PCDHGB3: variants seen among roughly 807,000 people sequenced by gnomAD.
PCDHGB3 encodes protocadherin gamma subfamily B, 3, also known as protocadherin gamma-B3.
Under a neutral mutation model 59.2 loss-of-function variants are expected in PCDHGB3, and 40 were observed. The observed-to-expected ratio is 0.68, with a 90% CI of 0.52 to 0.88. The LOEUF is 0.88. Among genes scored for constraint, PCDHGB3 ranks in the 40% least tolerant of loss-of-function variants. The probability of loss-of-function intolerance (pLI) is 0.00; values close to 1 mark genes in which losing one functional copy is unlikely to be tolerated. For synonymous variants in PCDHGB3, 581 were observed against 503.6 expected, an observed-to-expected ratio of 1.15 and a Z score of -2.06; for missense variants, 1,309 against 1,187.9, an observed-to-expected ratio of 1.10 and a Z score of -1.50.
intron 1 of PCDHGB3, chr5:141,383,497 C>A: frequency 6.2e-7 from 1 of 1,612,952 alleles, no homozygotes; most frequent in East Asian, 2.2e-5. Flanking sequence ...GGAGCGGGTG[C>A]TGGACCGGGA....
chr5:141,392,706 C>T (rs2092579718), intron 1 of PCDHGB3: 1 of 1,289,828 alleles, frequency 7.8e-7, no homozygotes, highest in South Asian at 1.6e-5. Flanking sequence ...TGTTTGGAGG[C>T]ACTCCAGGTT....
chr5:141,397,909 T>G lies in PCDHGB3; in HGVS notation c.2415+25100T>G, dbSNP rs1004406261. On this transcript the variant is annotated intron_variant, in intron 1 of 3. Coordinates refer to ENST00000576222, the MANE Select transcript of PCDHGB3 (RefSeq NM_018924.5). Reference sequence around the variant, plus strand: ...TTGGCCAAAGTGCAGAGCTTGGCGCTCCAGATCTCCTCGCGCAGCCGCAGC... The same window carrying G: ...TTGGCCAAAGTGCAGAGCTTGGCGCGCCAGATCTCCTCGCGCAGCCGCAGC... 114 of 677,396 alleles carry G rather than the reference T, an allele frequency of 1.7e-4. No individual in the cohort carries two copies. In the East Asian group the frequency reaches 2.8e-3, roughly 17 times the overall value. The allele number at this position is 677,396 out of a possible 1,614,324, so 42.0% of individuals were successfully genotyped here. A position where few individuals can be genotyped will look rare whatever the true frequency, so the allele number is the denominator to read the frequency against.
intron 1 of PCDHGB3, among the ~76,000 whole-genome samples, chr5:141,474,703 C>G (rs2099353282): frequency 6.6e-6 from 1 of 152,188 alleles, no homozygotes; most frequent in Admixed American, 6.5e-5. Flanking sequence ...GTTCAAGGTT[C>G]TATTATACTT....
At position 141,372,451 on chromosome 5, in the gene PCDHGB3, C is replaced by G. The variant is rs749000608; in HGVS notation, c.2057C>G (p.Ala686Gly). 8 of 1,614,042 alleles carry G rather than the reference C, an allele frequency of 5.0e-6. No individual in the cohort carries two copies. In the East Asian group the frequency reaches 1.6e-4, roughly 31 times the overall value. The change falls in exon 1 of 4, where the codon GCG becomes GGG. Residue 686 changes from alanine to glycine, a missense_variant. By Grantham distance (60) the Ala-to-Gly change is moderately conservative (BLOSUM62 0). Coordinates refer to ENST00000576222, the MANE Select transcript of PCDHGB3 (RefSeq NM_018924.5). The stretch of plus-strand genomic sequence containing the variant: ...CGCCCCACTCCCTCTGACCCTCAGG[C>G]GGAGCTACAGTTTCACCTAGTAGTG... Reference protein sequence around the residue: ...SDRPTPSDPQAELQFHLVVAL... With the variant: ...SDRPTPSDPQGELQFHLVVAL...
chr5:141,511,028 T>C lies in PCDHGB3; in HGVS notation c.2645T>C (p.Leu882Pro). ...GCCCGCTACGGACCCCAGTTCACCC[T>C]GCAGCACGTGCCCGACTACCGCCAG... ...LSARYGPQFTLQHVPDYRQNV... is the reference protein window; with the variant it reads ...LSARYGPQFTPQHVPDYRQNV... The change falls in exon 4 of 4, where the codon CTG becomes CCG. Residue 882 changes from leucine (L) to proline (P), a missense_variant. Leu to Pro is a moderately conservative substitution (Grantham distance 98, BLOSUM62 -3). Transcript: ENST00000576222. 1 of 1,614,202 alleles carries C rather than the reference T, an allele frequency of 6.2e-7. No homozygotes were observed. Among genetic ancestry groups the C allele is most frequent in the Non-Finnish European group, 8.5e-7 (1 of 1,180,028 alleles).
At chr5:141,430,950 TC>T (rs1353555538) in intron 1 of PCDHGB3, 1 of 1,609,980 alleles carries the variant, frequency 6.2e-7, no homozygotes, top group East Asian at 2.2e-5. Flanking sequence ...GAGCGCGGAG[TC>T]CGCATCATCC....
chr5:141,510,825 G>C, intron 3 of PCDHGB3, 122 bp from the exon 4 acceptor site: 2 of 1,566,486 alleles, frequency 1.3e-6, no homozygotes, highest in Non-Finnish European at 1.7e-6. Flanking sequence ...TATATTCCCA[G>C]TGCTCAGCGT....
chr5:141,388,527 T>C, intron 1 of PCDHGB3: 1 of 1,613,866 alleles, frequency 6.2e-7, no homozygotes, highest in Non-Finnish European at 8.5e-7. Flanking sequence ...TTTGACTGCC[T>C]TGGACTTTGG....
At chr5:141,413,950 T>C (rs1448967281) in intron 1 of PCDHGB3, 1 of 1,613,264 alleles carries the variant, frequency 6.2e-7, no homozygotes. Context: ...TCCTGAGAAT[T>C]TGCCTGTGGG....
chr5:141,405,540 C>A (rs2094682922), intron 1 of PCDHGB3: 1 of 641,202 alleles, frequency 1.6e-6, no homozygotes, highest in African/African-American at 1.8e-5. Context: ...CTGCCTCAGC[C>A]TCCCAAGTAG....
Position 141,394,604 on chromosome 5 carries a change from C to T in PCDHGB3, c.2415+21795C>T, listed in dbSNP as rs1589234871. On this transcript the variant is annotated intron_variant, in intron 1 of 3. Transcript: ENST00000576222. ...CCAAGGTGGTGGCGGTGGACAGAGA[C>T]TCGGGCCAGAACGCCTGGCTGTCCT... is the stretch of plus-strand genomic sequence containing the variant. 10 of 1,613,590 alleles carry T rather than the reference C, an allele frequency of 6.2e-6. No homozygotes were observed. The East Asian group carries it at 2.0e-4, about 32-fold the overall frequency.
intron 1 of PCDHGB3, chr5:141,478,485 G>C (rs2099459345): frequency 1.2e-6 from 2 of 1,613,204 alleles, no homozygotes; most frequent in East Asian, 4.5e-5. Flanking sequence ...AACACGCTGC[G>C]GAGCTGTGAT....
At position 141,494,820 on chromosome 5, in the gene PCDHGB3, A is replaced by G; in HGVS notation, c.2429A>G (p.Asn810Ser). ...TTTTCTCCACAGCAAGCCCCGCCCA[A>G]CACGGACTGGCGTTTCTCTCAGGCC... ...SGNLQKQAPP[N>S]TDWRFSQAQR... Residue 810 changes from asparagine to serine, a missense_variant, in exon 2 of 4, where the codon AAC becomes AGC. By Grantham distance (46) the Asn-to-Ser change is conservative. Transcript: ENST00000576222. 1.2e-6 allele frequency: 2 copies of G among 1,613,988 alleles called. No individual in the cohort carries two copies. Among genetic ancestry groups the G allele is most frequent in the Middle Eastern group, 1.6e-4 (1 of 6,062 alleles).
Position 141,431,954 on chromosome 5 carries a change from G to T in PCDHGB3, c.2415+59145G>T. On this transcript the variant is annotated intron_variant, in intron 1 of 3. Coordinates refer to ENST00000576222, the MANE Select transcript of PCDHGB3 (RefSeq NM_018924.5). The surrounding 1 kb of genome is among the most constrained non-coding windows in gnomAD (Gnocchi z 4.8). Reference sequence around the variant, plus strand: ...GCCCTTTAAATTAGAAAAATCTTACGGAAATTACTATAGTTTAGTCACAGA... The same window carrying T: ...GCCCTTTAAATTAGAAAAATCTTACTGAAATTACTATAGTTTAGTCACAGA... The T allele has an allele frequency of 6.2e-7, 1 of 1,614,110 alleles. No homozygotes were observed. Among genetic ancestry groups the T allele is most frequent in the Non-Finnish European group, 8.5e-7 (1 of 1,180,010 alleles).
In PCDHGB3 at chr5:141,409,573, C is replaced by A. The variant is rs562811168; in HGVS notation, c.2415+36764C>A. 7 of 1,613,816 alleles carry A rather than the reference C, an allele frequency of 4.3e-6. No individual in the cohort carries two copies. In the Admixed American group the frequency reaches 1.2e-4, roughly 27 times the overall value. ...CCCCAGTTTTCGACCAGACGTCCTA[C>A]GTGGTCCACGTGGCCGAGAACAACC... On this transcript the variant is annotated intron_variant, in intron 1 of 3. Transcript: ENST00000576222.
chr5:141,383,872 C>T, intron 1 of PCDHGB3: 1 of 1,613,908 alleles, frequency 6.2e-7, no homozygotes, highest in Non-Finnish European at 8.5e-7. Flanking sequence ...TCAAGATGGT[C>T]CTGGTAGTCT....
chr5:141,399,865 C>T, intron 1 of PCDHGB3: 1 of 1,612,866 alleles, frequency 6.2e-7, no homozygotes, highest in African/African-American at 1.3e-5. Flanking sequence ...CGCTGCAGAG[C>T]CCGGCTACCT....
chr5:141,394,864 C>T, intron 1 of PCDHGB3: 4 of 1,613,780 alleles, frequency 2.5e-6, no homozygotes, highest in Non-Finnish European at 3.4e-6. Context: ...TCGGTCGACC[C>T]GAACGATTCG....
rs2099391466 is a variant in PCDHGB3, at chr5:141,476,424, C to T, written c.2416-18383C>T. ...GAGGAGCTGTGTGGGACACTGCCCT[C>T]TTGCACTGTAACTCTGGAGTTGGTA... is the stretch of plus-strand genomic sequence containing the variant. On this transcript the variant is annotated intron_variant, in intron 1 of 3. Coordinates refer to ENST00000576222, the MANE Select transcript of PCDHGB3 (RefSeq NM_018924.5). This position sits in a 1 kb window ranked among gnomAD's most constrained non-coding sequence, Gnocchi z 7.6. 1 of 1,613,978 alleles carries T rather than the reference C, an allele frequency of 6.2e-7. No individual in the cohort carries two copies. The highest frequency in any genetic ancestry group is 1.1e-5 in the South Asian group (1 of 91,076).
Sources: gnomAD v4.1 joint callset for allele counts (sites outside exome capture counted in the v4.1 genomes callset) on GRCh38, gnomAD v4.1.1 for gene constraint, Gnocchi (gnomAD v3.1) non-coding constraint, MANE v1.5 for transcripts, NCBI Gene and HGNC (gene_info 2026-07-23, HGNC 2026-07-21) for gene names.